The following TRAPPC8 variants were observed in gnomAD, a reference collection of about 807,000 sequenced individuals.
TRAPPC8 encodes the protein trafficking protein particle complex subunit 8.
TRAPPC8 carries 54 observed loss-of-function variants against 174.3 expected under a neutral mutation model. The ratio of observed to expected loss-of-function variants is 0.31; its 90% confidence interval spans 0.25 to 0.39. TRAPPC8 has a LOEUF of 0.39. Among genes scored for constraint, TRAPPC8 ranks in the 10% least tolerant of loss-of-function variants. TRAPPC8 has a pLI of 1.00. For synonymous variants in TRAPPC8, 630 were observed against 579.9 expected (o/e 1.09, Z -1.24); for missense variants, 1,531 against 1,699.1 (o/e 0.90, Z 1.74).
rs1404726402 is a variant in TRAPPC8, at chr18:31,830,068, A to G, written c.*687T>C. ...ACAGATCAACTCAATAGTTAACGTT[A>G]TATAATAAAGAATATGGTAATTTTA... On this transcript the variant is annotated 3_prime_UTR_variant, in exon 29 of 29. Coordinates refer to ENST00000283351, the MANE Select transcript of TRAPPC8 (RefSeq NM_014939.5). The G allele has an allele frequency of 2.0e-5, 3 of 152,656 alleles. No individual in the cohort carries two copies. The highest frequency in any genetic ancestry group is 7.2e-5 in the African/African-American group (3 of 41,460). 9.5% of individuals were successfully genotyped at this position (152,656 alleles called of 1,614,324 possible).
intron 16 of TRAPPC8, among the ~76,000 whole-genome samples, chr18:31,869,476 AG>A (rs1456065083): frequency 6.6e-6 from 1 of 152,192 alleles, no homozygotes; most frequent in African/African-American, 2.4e-5. Context: ...TGAAACCAGC[AG>A]GGCACTACAA....
At position 31,852,511 on chromosome 18, in the gene TRAPPC8, A is replaced by C; in HGVS notation, c.3503-7T>G. The C allele has an allele frequency of 6.2e-7, 1 of 1,614,192 alleles. No individual in the cohort carries two copies. The highest frequency in any genetic ancestry group is 8.5e-7 in the Non-Finnish European group (1 of 1,180,024). ...TCAGAGGACTGTGTGGCCGCTAAAA[A>C]ACAGGGGAAAACAAACTAATCATAT... On this transcript the variant is annotated splice_region_variant and splice_polypyrimidine_tract_variant and intron_variant, in intron 23 of 28. Coordinates refer to ENST00000283351, the MANE Select transcript of TRAPPC8 (RefSeq NM_014939.5).
At chr18:31,849,414 A>C in intron 25 of TRAPPC8, 152 bp downstream of exon 25, 14 of 581,650 alleles carry the variant, frequency 2.4e-5, no homozygotes, top group African/African-American at 5.8e-5. Context: ...TTCTTTTTTT[A>C]GGCCAAAAAA....
chr18:31,873,569 G>GT (rs2034997761), intron 13 of TRAPPC8, 31 bp from the exon 14 acceptor site: 4 of 1,515,296 alleles, frequency 2.6e-6, no homozygotes, highest in Non-Finnish European at 3.6e-6. Context: ...AAAAAAAGTA[G>GT]TTTTTGTGAA....
At chr18:31,855,580 GA>G in intron 21 of TRAPPC8, 79 bp downstream of exon 21, 1 of 1,299,466 alleles carries the variant, frequency 7.7e-7, no homozygotes, top group Non-Finnish European at 1.1e-6. Context: ...TCTTGTAAAG[GA>G]AAACAAAAAC....
At chr18:31,910,058 G>A (rs2036842775) in intron 5 of TRAPPC8, among the ~76,000 whole-genome samples, 2 of 152,076 alleles carry the variant, frequency 1.3e-5, no homozygotes, top group Admixed American at 1.3e-4. Flanking sequence ...ATACACGAGT[G>A]TTCATATAAG....
At position 31,864,788 on chromosome 18, in the gene TRAPPC8, T is replaced by A. The variant is rs2034507784; in HGVS notation, c.2591-7A>T. 6.3e-7 allele frequency: 1 copy of A among 1,597,854 alleles called. No individual in the cohort carries two copies. Among genetic ancestry groups the A allele is most frequent in the South Asian group, 1.1e-5 (1 of 87,764 alleles). On this transcript the variant is annotated splice_region_variant and splice_polypyrimidine_tract_variant and intron_variant, in intron 18 of 28. Transcript: ENST00000283351. Reference sequence around the variant, plus strand: ...ATACTCAAGGAATATTTTCCTGAAATAAAAAACAATCAATGCCCTAAAATA... The same window carrying A: ...ATACTCAAGGAATATTTTCCTGAAAAAAAAAACAATCAATGCCCTAAAATA...
intron 19 of TRAPPC8, among the ~76,000 whole-genome samples, chr18:31,863,034 A>T (rs2034410240): frequency 7.3e-6 from 1 of 137,468 alleles, no homozygotes; most frequent in African/African-American, 2.7e-5. Context: ...CCTGGGTGAC[A>T]GAGCAAGACT....
At chr18:31,852,702 T>G (rs771258562) in intron 22 of TRAPPC8, 39 bp from the exon 23 acceptor site, 18 of 1,534,646 alleles carry the variant, frequency 1.2e-5, no homozygotes, top group Non-Finnish European at 1.5e-5. Context: ...TGTTTCTCAG[T>G]TCATCACATG....
chr18:31,901,908 T>C (rs1025746360), intron 9 of TRAPPC8, among the ~76,000 whole-genome samples: 7 of 152,248 alleles, frequency 4.6e-5, no homozygotes, highest in Non-Finnish European at 8.8e-5. Flanking sequence ...AGGTGTGTTG[T>C]CCATCACTTT....
chr18:31,897,685 G>T lies in TRAPPC8; in HGVS notation c.1596+101C>A, dbSNP rs113969774. ...AAATTCCCAAAGACAGATTTCCCTG[G>T]CTAATTTTATGTTTTGTAAAGCCTT... On this transcript the variant is annotated intron_variant, in intron 11 of 28. Coordinates refer to ENST00000283351, the MANE Select transcript of TRAPPC8 (RefSeq NM_014939.5). 504 of 809,874 alleles carry T rather than the reference G, an allele frequency of 6.2e-4. 1 individual carries two copies. In the African/African-American group the frequency reaches 7.8e-3, roughly 12 times the overall value. 50.2% of individuals were successfully genotyped at this position (809,874 alleles called of 1,614,324 possible).
At chr18:31,903,604 G>C (rs1260108239) in intron 9 of TRAPPC8, among the ~76,000 whole-genome samples, 7 of 152,090 alleles carry the variant, frequency 4.6e-5, no homozygotes. Context: ...GCTCACAACG[G>C]CTTGCCTTAT....
intron 1 of TRAPPC8, among the ~76,000 whole-genome samples, chr18:31,934,904 A>C (rs1481895373): frequency 2.6e-5 from 4 of 150,944 alleles, no homozygotes; most frequent in Non-Finnish European, 4.4e-5. Flanking sequence ...CTGAGATCAC[A>C]CTACTGCACT....
intron 19 of TRAPPC8, among the ~76,000 whole-genome samples, chr18:31,858,875 T>G (rs1288837700): frequency 6.6e-6 from 1 of 151,268 alleles, no homozygotes; most frequent in Non-Finnish European, 1.5e-5. Flanking sequence ...GATCCCAGAG[T>G]TGGTGGATCC....
chr18:31,893,444 T>C (rs1303005003), intron 11 of TRAPPC8, among the ~76,000 whole-genome samples: 1 of 152,088 alleles, frequency 6.6e-6, no homozygotes, highest in Non-Finnish European at 1.5e-5. Flanking sequence ...CCTGGTTTCA[T>C]TTTTTATTAT....
At chr18:31,935,078 C>T (rs1462674327) in intron 1 of TRAPPC8, among the ~76,000 whole-genome samples, 3 of 152,038 alleles carry the variant, frequency 2.0e-5, no homozygotes, top group Admixed American at 1.3e-4. Context: ...GGCGTGATGG[C>T]TCATGCCTGT....
At chr18:31,848,361 T>C (rs1367720082) in intron 25 of TRAPPC8, among the ~76,000 whole-genome samples, 2 of 152,168 alleles carry the variant, frequency 1.3e-5, no homozygotes, top group Non-Finnish European at 2.9e-5. Flanking sequence ...ACAGAATACA[T>C]TACACAAAAC....
chr18:31,905,170 AC>A (rs1347397414), intron 9 of TRAPPC8, among the ~76,000 whole-genome samples: 1 of 152,188 alleles, frequency 6.6e-6, no homozygotes, highest in East Asian at 1.9e-4. Context: ...CTACTACAAC[AC>A]ATTTTTATCT....
At chr18:31,911,904 C>CA (rs1317220235) in intron 5 of TRAPPC8, among the ~76,000 whole-genome samples, 1 of 130,782 alleles carries the variant, frequency 7.6e-6, no homozygotes, top group Non-Finnish European at 1.6e-5. Flanking sequence ...TTCTTCTAAA[C>CA]AAAAAACAGT....
Sources: allele counts gnomAD v4.1 joint callset (sites outside exome capture counted in the v4.1 genomes callset), GRCh38; gene constraint gnomAD v4.1.1; transcripts MANE v1.5; gene names NCBI Gene and HGNC (gene_info 2026-07-23, HGNC 2026-07-21).